The following SMG6 variants were observed in gnomAD, a reference collection of about 807,000 sequenced individuals.
The protein encoded by SMG6 is telomerase-binding protein EST1A.
SMG6 carries 66 observed loss-of-function variants against 142.2 expected under a neutral mutation model. The ratio of observed to expected loss-of-function variants is 0.46; its 90% CI spans 0.38 to 0.57. SMG6 has a LOEUF of 0.57. SMG6 is among the 20% of genes least tolerant of loss of function. SMG6 has a pLI of 0.00. For missense variants in SMG6, 1,793 were observed against 1,832.0 expected (o/e 0.98, Z 0.39); for synonymous variants, 779 against 702.4 (o/e 1.11, Z -1.72).
chr17:2,262,740 C>CT, intron 8 of SMG6, among the ~76,000 whole-genome samples: 1 of 152,148 alleles, frequency 6.6e-6, no homozygotes, highest in Middle Eastern at 3.4e-3. Context: ...TTTACATATC[C>CT]TTTTTTCTTA....
intron 18 of SMG6, chr17:2,062,469 T>G (rs1010823481): frequency 1.3e-5 from 2 of 152,094 alleles, no homozygotes; most frequent in African/African-American, 4.8e-5. Flanking sequence ...CTTGCTATAG[T>G]GGCACAGATA....
intron 10 of SMG6, among the ~76,000 whole-genome samples, chr17:2,192,285 T>C (rs1357591292): frequency 2.0e-5 from 3 of 152,144 alleles, no homozygotes; most frequent in Non-Finnish European, 4.4e-5. Flanking sequence ...CCAGTACCAG[T>C]GGGATGGAGT....
At chr17:2,067,395 T>C (rs779058996) in intron 16 of SMG6, among the ~76,000 whole-genome samples, 3 of 152,126 alleles carry the variant, frequency 2.0e-5, no homozygotes, top group Non-Finnish European at 2.9e-5. Context: ...AGGGGGCTCC[T>C]GAGATGTCCA....
At position 2,071,475 on chromosome 17, in the gene SMG6, GGCTT is replaced by G. The variant is rs1248610141; in HGVS notation, c.3682-2548_3682-2545del. ...CTAAATTCCCCGGGTTCTTAGCTCT[GGCTT>G]GCAGCTAGAAAGGTGAATAGGCCGC... On this transcript the variant is annotated intron_variant, in intron 15 of 18. Transcript: ENST00000263073. This position sits in a 1 kb window ranked among gnomAD's most constrained non-coding sequence, Gnocchi z 5.6. 7.9e-5 allele frequency among the ~76,000 whole-genome samples: 12 copies of G among 152,194 alleles called. No homozygotes were observed. Among genetic ancestry groups the G allele is most frequent in the Admixed American group, 7.9e-4 (12 of 15,284 alleles).
In SMG6 at chr17:2,300,502, C is replaced by A. The variant is rs747905852; in HGVS notation, c.251G>T (p.Cys84Phe). Residue 84 changes from cysteine (C) to phenylalanine (F), a missense_variant, in exon 2 of 19, where the codon TGC (cysteine) becomes TTC (phenylalanine). By Grantham distance (205) the Cys-to-Phe change is radical (BLOSUM62 -2). Around this residue, in one of 3 missense-constraint regions of SMG6, gnomAD observed 1,597 missense variants for 1,584.6 expected, o/e 1.01. Transcript: ENST00000263073. ...FKDEIVNDRDCSAVENGTQPV... is the reference protein window; with the variant it reads ...FKDEIVNDRDFSAVENGTQPV... ...CTGTGTACCATTTTCAACAGCAGAG[C>A]AATCTCGGTCATTAACAATTTCATC... 1 of 1,614,142 alleles carries A rather than the reference C, an allele frequency of 6.2e-7. No homozygotes were observed.
At position 2,287,969 on chromosome 17, in the gene SMG6, C is replaced by T. The variant is rs141591954; in HGVS notation, c.2338-4234G>A. 7.9e-3 allele frequency among the ~76,000 whole-genome samples: 1,199 copies of T among 152,190 alleles called. 25 individuals carry two copies. The highest frequency in any genetic ancestry group is 0.038 in the Admixed American group (579 of 15,274). On this transcript the variant is annotated intron_variant, in intron 6 of 18. Coordinates refer to ENST00000263073, the MANE Select transcript of SMG6 (RefSeq NM_017575.5). ...TAAAATGAAAAGCATTCTGGAGGTT[C>T]GTTACACTACAATATGAATGTACGT...
rs1224171598 is a variant in SMG6 at position 2,283,742 on chromosome 17, A to G, written c.2338-7T>C. ...CAGCGTCAAGCTTCCTCCTCTGTGGAAAGAGGCCAGAGACATTCAGTCAAC... is the reference window on the plus strand; with the variant it reads ...CAGCGTCAAGCTTCCTCCTCTGTGGGAAGAGGCCAGAGACATTCAGTCAAC... On this transcript the variant is annotated splice_polypyrimidine_tract_variant and splice_region_variant and intron_variant, in intron 6 of 18. Transcript: ENST00000263073. The G allele has an allele frequency of 7.5e-6, 12 of 1,610,482 alleles. No homozygotes were observed. The highest frequency in any genetic ancestry group is 1.0e-5 in the Non-Finnish European group (12 of 1,176,944).
chr17:2,196,637 C>A (rs8076939), intron 10 of SMG6, among the ~76,000 whole-genome samples: 59,170 of 152,044 alleles, frequency 0.39, 12,018 homozygotes, highest in African/African-American at 0.49. Context: ...TAAAGACAAG[C>A]TTATTCTAAA....
At chr17:2,184,357 T>G (rs1394274021) in intron 12 of SMG6, among the ~76,000 whole-genome samples, 4 of 144,668 alleles carry the variant, frequency 2.8e-5, no homozygotes, top group Non-Finnish European at 6.0e-5. Context: ...AGCAAGACTC[T>G]GGGGGGAAAA....
At chr17:2,128,926 A>T (rs764158207) in intron 13 of SMG6, among the ~76,000 whole-genome samples, 2 of 152,114 alleles carry the variant, frequency 1.3e-5, no homozygotes, top group Non-Finnish European at 2.9e-5. Context: ...CAGAGTAAAA[A>T]CCTTTAAGAA....
intron 13 of SMG6, among the ~76,000 whole-genome samples, chr17:2,086,877 T>C (rs1216128649): frequency 6.6e-6 from 1 of 152,200 alleles, no homozygotes; most frequent in Admixed American, 6.5e-5. Context: ...AGAGGGGCCC[T>C]GCTGGATCTG....
chr17:2,131,702 C>T (rs2070127615), intron 13 of SMG6, among the ~76,000 whole-genome samples: 1 of 152,150 alleles, frequency 6.6e-6, no homozygotes, highest in Non-Finnish European at 1.5e-5. Context: ...TAAAATTAAA[C>T]TATAAACTGG....
In SMG6 at chr17:2,119,834, T is replaced by C. The variant is rs1244109020; in HGVS notation, c.3358-33933A>G. ...CCGCTGCCATGCCTGGCTAATTTTT[T>C]TGTATTTTTAGTAGAGACCAGGTTT... On this transcript the variant is annotated intron_variant, in intron 13 of 18. Coordinates refer to ENST00000263073, the MANE Select transcript of SMG6 (RefSeq NM_017575.5). 2.6e-5 allele frequency among the ~76,000 whole-genome samples: 4 copies of C among 152,296 alleles called. No individual in the cohort carries two copies. The East Asian group carries it at 5.8e-4, about 22-fold the overall frequency.
At chr17:2,272,904 T>C (rs2074569112) in intron 8 of SMG6, among the ~76,000 whole-genome samples, 1 of 151,364 alleles carries the variant, frequency 6.6e-6, no homozygotes, top group African/African-American at 2.4e-5. Flanking sequence ...CACTCCAGCA[T>C]GGGGGACAGA....
At chr17:2,292,780 C>G (rs2151397421) in intron 5 of SMG6, 91 bp downstream of exon 5, 1 of 1,392,206 alleles carries the variant, frequency 7.2e-7, no homozygotes, top group East Asian at 2.3e-5. Context: ...ATAGGGACAC[C>G]TGTACAACAC....
chr17:2,176,547 C>T (rs533004217), intron 12 of SMG6, among the ~76,000 whole-genome samples: 2 of 152,256 alleles, frequency 1.3e-5, no homozygotes, highest in South Asian at 2.1e-4. Context: ...CACAATATCC[C>T]GCTAAAGTTA....
In SMG6 at chr17:2,299,378, T is replaced by C. The variant is rs1244876706; in HGVS notation, c.1375A>G (p.Asn459Asp). The change falls in exon 2 of 19, where the codon AAC (asparagine) becomes GAC (aspartate). Residue 459 changes from asparagine to aspartate, a missense_variant. Around this residue, in one of 3 missense-constraint regions of SMG6, gnomAD observed 1,597 missense variants for 1,584.6 expected, o/e 1.01. Transcript: ENST00000263073. This position sits in a 1 kb window ranked among gnomAD's most constrained non-coding sequence, Gnocchi z 4.3. ...GGTTRRLWDP[N>D]NPDQKPALKT... ...AGAGCAGGTTTCTGATCAGGATTGTTTGGGTCCCACAATCGGCGTGTGGTG... is the reference window on the plus strand; with the variant it reads ...AGAGCAGGTTTCTGATCAGGATTGTCTGGGTCCCACAATCGGCGTGTGGTG... The C allele has an allele frequency of 1.9e-6, 3 of 1,613,886 alleles. No individual in the cohort carries two copies. Among genetic ancestry groups the C allele is most frequent in the Non-Finnish European group, 2.5e-6 (3 of 1,180,032 alleles).
chr17:2,075,689 G>A (rs556787150), intron 15 of SMG6, among the ~76,000 whole-genome samples: 1 of 152,336 alleles, frequency 6.6e-6, no homozygotes, highest in South Asian at 2.1e-4. Context: ...CCTGGTCTCT[G>A]AACAACTCCA....
chr17:2,156,774 C>T (rs2071020728), intron 13 of SMG6, among the ~76,000 whole-genome samples: 1 of 152,230 alleles, frequency 6.6e-6, no homozygotes, highest in African/African-American at 2.4e-5. Context: ...CCCACTTCAG[C>T]CTCCAAGTAG....
Sources: allele counts gnomAD v4.1 joint callset (sites outside exome capture counted in the v4.1 genomes callset), GRCh38; gene constraint gnomAD v4.1.1; regional missense constraint gnomAD v4.1.1; non-coding constraint Gnocchi (gnomAD v3.1); transcripts MANE v1.5; gene names NCBI Gene and HGNC (gene_info 2026-07-23, HGNC 2026-07-21).